LEPR: variants seen among roughly 807,000 people sequenced by gnomAD.
LEPR encodes the protein leptin receptor.
In LEPR, 56 loss-of-function variants were observed where a neutral mutation model predicts 114.7. That is an observed-to-expected ratio of 0.49 (90% CI 0.39 to 0.61). The LOEUF (loss-of-function observed/expected upper bound fraction) is 0.61. Ranked by LOEUF, LEPR falls within the 20% of genes least tolerant of loss-of-function variation. The pLI is 0.00. For synonymous variants in LEPR, 443 were observed against 461.4 expected (o/e 0.96, Z 0.51); for missense variants, 1,202 against 1,352.9 (o/e 0.89, Z 1.75).
intron 2 of LEPR, among the ~76,000 whole-genome samples, chr1:65,545,901 G>A (rs1226138371): frequency 6.6e-6 from 1 of 151,910 alleles, no homozygotes; most frequent in South Asian, 2.1e-4. Flanking sequence ...GTCCTGAGTG[G>A]TAATGCCTAG....
chr1:65,448,735 G>T (rs547648471), intron 2 of LEPR, among the ~76,000 whole-genome samples: 1 of 152,100 alleles, frequency 6.6e-6, no homozygotes, highest in Non-Finnish European at 1.5e-5. Context: ...ATTGATTCTT[G>T]TGTGAGTTTT....
intron 2 of LEPR, among the ~76,000 whole-genome samples, chr1:65,437,160 G>C (rs1038301561): frequency 6.6e-6 from 1 of 152,046 alleles, no homozygotes; most frequent in Admixed American, 6.6e-5. Context: ...GGTTTTAATC[G>C]GATTCCTGAT....
At chr1:65,581,584 T>C (rs1938487) in intron 5 of LEPR, among the ~76,000 whole-genome samples, 44,895 of 152,002 alleles carry the variant, frequency 0.3, 7,559 homozygotes, top group East Asian at 0.83. Flanking sequence ...CCATTAGATA[T>C]GATAAAAGCC....
intron 2 of LEPR, chr1:65,435,233 G>A (rs933634089): frequency 1.0e-6 from 1 of 985,268 alleles, no homozygotes. Flanking sequence ...ACTGTCCTAA[G>A]GAAGTCCTTA....
chr1:65,625,731 G>C (rs1208249181), intron 19 of LEPR, among the ~76,000 whole-genome samples: 1 of 152,092 alleles, frequency 6.6e-6, no homozygotes, highest in African/African-American at 2.4e-5. Flanking sequence ...ACTAGGTTTT[G>C]AGGCAGAGAT....
intron 2 of LEPR, among the ~76,000 whole-genome samples, chr1:65,504,644 A>T (rs1648630871): frequency 6.6e-6 from 1 of 152,232 alleles, no homozygotes; most frequent in Non-Finnish European, 1.5e-5. Context: ...AGCCAAGAGC[A>T]GTCTACGGTG....
intron 1 of LEPR, among the ~76,000 whole-genome samples, chr1:65,422,860 C>T (rs1158071745): frequency 6.6e-6 from 1 of 152,078 alleles, no homozygotes; most frequent in Non-Finnish European, 1.5e-5. Flanking sequence ...TGGAAGCAAC[C>T]GCAAAGGGAT....
intron 2 of LEPR, among the ~76,000 whole-genome samples, chr1:65,460,668 C>T (rs1339315837): frequency 8.6e-5 from 13 of 152,000 alleles, no homozygotes; most frequent in Admixed American, 8.5e-4. Context: ...ACCAGCCTGG[C>T]CAACATGGTG....
Position 65,599,495 on chromosome 1 carries a change from C to G in LEPR, c.994+691C>G, listed in dbSNP as rs143213276. ...GAGATAACAGGTACCATGCAAATAT[C>G]AATCCATTTAACAAGTTTACTTGTT... On this transcript the variant is annotated intron_variant, in intron 8 of 19. Transcript: ENST00000349533. 1.8e-3 allele frequency among the ~76,000 whole-genome samples: 269 copies of G among 152,228 alleles called. 1 individual carries two copies. The highest frequency in any genetic ancestry group is 6.2e-3 in the African/African-American group (257 of 41,540).
intron 2 of LEPR, chr1:65,486,279 C>T (rs1647481185): frequency 6.6e-6 from 1 of 152,086 alleles, no homozygotes; most frequent in African/African-American, 2.4e-5. Context: ...GGGATTGGGT[C>T]TCATTTTGTG....
Position 65,637,020 on chromosome 1 carries a change from A to T in LEPR, c.*5A>T, listed in dbSNP as rs1316392409. ...ATGTGTGACCTAACTGTGTAATTTC[A>T]CTGAAGAAACCTTCAGATTTGTGTT... On this transcript the variant is annotated 3_prime_UTR_variant, in exon 20 of 20. Transcript: ENST00000349533. 3 of 1,612,304 alleles carry T rather than the reference A, an allele frequency of 1.9e-6. No homozygotes were observed. The highest frequency in any genetic ancestry group is 2.5e-6 in the Non-Finnish European group (3 of 1,179,566).
Position 65,633,390 on chromosome 1 carries a change from GATTA to G in LEPR, c.2674-2797_2674-2794del. 1.5e-6 allele frequency: 2 copies of G among 1,321,528 alleles called. No homozygotes were observed. The highest frequency in any genetic ancestry group is 9.6e-7 in the Non-Finnish European group (1 of 1,037,740). 81.9% of individuals were successfully genotyped at this position (1,321,528 alleles called of 1,614,324 possible). On this transcript the variant is annotated intron_variant, in intron 19 of 19. Transcript: ENST00000349533. This position sits in a 1 kb window ranked among gnomAD's most constrained non-coding sequence, Gnocchi z 4.1. ...AGATTTGAGTCCAGTTTGGATGTGT[GATTA>G]ATTTTCAAATCATCTAAAGTTTAAA...
chr1:65,499,157 G>A (rs1383617338), intron 2 of LEPR, among the ~76,000 whole-genome samples: 1 of 152,062 alleles, frequency 6.6e-6, no homozygotes, highest in African/African-American at 2.4e-5. Flanking sequence ...ATGTTCTCTG[G>A]TGCCAGCAGG....
chr1:65,477,344 C>T (rs1239858760), intron 2 of LEPR, among the ~76,000 whole-genome samples: 1 of 152,218 alleles, frequency 6.6e-6, no homozygotes, highest in Admixed American at 6.5e-5. Context: ...TTTTTGTCTA[C>T]TTTGCTCACT....
intron 2 of LEPR, among the ~76,000 whole-genome samples, chr1:65,539,063 G>GTT (rs11350037): frequency 1.1e-4 from 15 of 135,024 alleles, no homozygotes; most frequent in African/African-American, 4.0e-4. Flanking sequence ...TTATTTCCTG[G>GTT]TTTTTTTTTT....
chr1:65,488,457 A>G (rs1261829608), intron 2 of LEPR, among the ~76,000 whole-genome samples: 2 of 150,270 alleles, frequency 1.3e-5, no homozygotes, highest in African/African-American at 2.5e-5. Flanking sequence ...TCAGCCTCCC[A>G]AGTAGCTGGG....
chr1:65,431,673 A>G, intron 2 of LEPR: 1 of 867,224 alleles, frequency 1.2e-6, no homozygotes, highest in Non-Finnish European at 1.8e-6. Context: ...GTCTCCTGTT[A>G]CATTATTAAG....
intron 6 of LEPR, 22 bp downstream of exon 6, chr1:65,592,887 T>A: frequency 6.2e-7 from 1 of 1,611,056 alleles, no homozygotes; most frequent in Non-Finnish European, 8.5e-7. Context: ...ACTAAAATGA[T>A]GATAATAGGT....
chr1:65,568,735 T>C (rs1653949839), intron 3 of LEPR, among the ~76,000 whole-genome samples: 1 of 150,216 alleles, frequency 6.7e-6, no homozygotes, highest in South Asian at 2.1e-4. Context: ...TTTTAGTTCT[T>C]TGAGAAATCT....
Sources: gnomAD v4.1 joint callset for allele counts (sites outside exome capture counted in the v4.1 genomes callset) on GRCh38, gnomAD v4.1.1 for gene constraint, Gnocchi (gnomAD v3.1) non-coding constraint, MANE v1.5 for transcripts, NCBI Gene and HGNC (gene_info 2026-07-23, HGNC 2026-07-21) for gene names.